The following KCNIP4 variants were observed in gnomAD, a reference collection of about 807,000 sequenced individuals.
KCNIP4 encodes the protein Kv channel-interacting protein 4.
Under a neutral mutation model 34.0 loss-of-function variants are expected in KCNIP4, and 12 were observed. The observed-to-expected ratio is 0.35, with a 90% CI of 0.23 to 0.57. The LOEUF (loss-of-function observed/expected upper bound fraction) is 0.57, where lower values mean the gene tolerates loss of function less well. Ranked by LOEUF, KCNIP4 falls within the 20% of genes least tolerant of loss-of-function variation. KCNIP4 has a pLI of 0.83. For missense variants in KCNIP4, 238 were observed against 311.7 expected (o/e 0.76, Z 1.78); for synonymous variants, 124 against 102.2 (o/e 1.21, Z -1.29).
intron 1 of KCNIP4, among the ~76,000 whole-genome samples, chr4:21,327,750 T>G (rs985694812): frequency 2.6e-4 from 39 of 151,918 alleles, no homozygotes; most frequent in African/African-American, 9.2e-4. Flanking sequence ...CTTTCTGATG[T>G]TTTTGTCCTA....
chr4:21,559,188 C>G (rs1163397832), intron 1 of KCNIP4, among the ~76,000 whole-genome samples: 2 of 152,048 alleles, frequency 1.3e-5, no homozygotes, highest in Non-Finnish European at 2.9e-5. Context: ...GGCCCTAGAC[C>G]AGTAAGTACC....
At chr4:21,817,396 T>C (rs576535988) in intron 1 of KCNIP4, among the ~76,000 whole-genome samples, 1 of 152,158 alleles carries the variant, frequency 6.6e-6, no homozygotes, top group East Asian at 1.9e-4. Context: ...TACAAATTGA[T>C]TGTAAAACAT....
At chr4:21,496,365 T>C (rs1298795892) in intron 1 of KCNIP4, among the ~76,000 whole-genome samples, 1 of 152,170 alleles carries the variant, frequency 6.6e-6, no homozygotes, top group Non-Finnish European at 1.5e-5. Flanking sequence ...TTGCAGGATC[T>C]AGTGGGACAG....
chr4:21,200,586 G>T (rs898367972), intron 1 of KCNIP4, among the ~76,000 whole-genome samples: 2 of 151,574 alleles, frequency 1.3e-5, no homozygotes, highest in South Asian at 4.2e-4. Flanking sequence ...CTAAACTATG[G>T]GTATGAAAAG....
At chr4:21,795,570 G>T (rs999399282) in intron 1 of KCNIP4, among the ~76,000 whole-genome samples, 4 of 152,102 alleles carry the variant, frequency 2.6e-5, no homozygotes, top group African/African-American at 9.7e-5. Flanking sequence ...AATTCTAGAT[G>T]AACTTGAAAT....
intron 1 of KCNIP4, among the ~76,000 whole-genome samples, chr4:21,178,128 T>C (rs915837019): frequency 5.9e-5 from 9 of 152,258 alleles, no homozygotes; most frequent in South Asian, 2.1e-4. Flanking sequence ...ATTTCTATCT[T>C]CATTACAACA....
intron 1 of KCNIP4, among the ~76,000 whole-genome samples, chr4:21,765,505 A>C (rs1267910081): frequency 6.6e-6 from 1 of 151,876 alleles, no homozygotes; most frequent in East Asian, 1.9e-4. Flanking sequence ...TCAATTTCTG[A>C]GTTAGGGGCT....
At chr4:20,974,151 A>G (rs1299096305) in intron 1 of KCNIP4, among the ~76,000 whole-genome samples, 1 of 152,170 alleles carries the variant, frequency 6.6e-6, no homozygotes, top group Non-Finnish European at 1.5e-5. Context: ...GCAAGAACAC[A>G]AGGTATCTGT....
chr4:20,886,596 A>G (rs1363469678), intron 1 of KCNIP4, among the ~76,000 whole-genome samples: 2 of 152,206 alleles, frequency 1.3e-5, no homozygotes, highest in Non-Finnish European at 2.9e-5. Context: ...GCAAGTTGTT[A>G]GAGTTCTAGC....
chr4:20,798,958 G>C (rs962681652), intron 3 of KCNIP4, among the ~76,000 whole-genome samples: 5 of 152,170 alleles, frequency 3.3e-5, no homozygotes, highest in Admixed American at 3.3e-4. Context: ...CCTATTGCCT[G>C]TACTGCTACT....
At chr4:21,843,030 A>G (rs1306694405) in intron 1 of KCNIP4, among the ~76,000 whole-genome samples, 1 of 152,106 alleles carries the variant, frequency 6.6e-6, no homozygotes, top group African/African-American at 2.4e-5. Context: ...TATTATCAGA[A>G]AATAAATGTT....
At chr4:21,040,308 C>G (rs1022210588) in intron 1 of KCNIP4, among the ~76,000 whole-genome samples, 1 of 152,128 alleles carries the variant, frequency 6.6e-6, no homozygotes, top group African/African-American at 2.4e-5. Flanking sequence ...GACTTTCTCT[C>G]TTTGATACAT....
At chr4:21,864,644 T>C (rs978151865) in intron 1 of KCNIP4, among the ~76,000 whole-genome samples, 2 of 152,178 alleles carry the variant, frequency 1.3e-5, no homozygotes, top group African/African-American at 4.8e-5. Flanking sequence ...ATAAGAAATA[T>C]TTCCTTCCCT....
intron 3 of KCNIP4, among the ~76,000 whole-genome samples, chr4:20,807,043 C>T (rs1715189231): frequency 6.6e-6 from 1 of 152,086 alleles, no homozygotes; most frequent in Admixed American, 6.5e-5. Flanking sequence ...GGAATAAACT[C>T]ACATCATTGT....
chr4:20,961,538 T>A (rs189060498), intron 1 of KCNIP4, among the ~76,000 whole-genome samples: 127 of 152,058 alleles, frequency 8.4e-4, no homozygotes, highest in African/African-American at 3.0e-3. Flanking sequence ...CACAGAGTTT[T>A]AAAAAAAACA....
intron 1 of KCNIP4, among the ~76,000 whole-genome samples, chr4:21,346,195 A>AT (rs1291445360): frequency 2.3e-3 from 1 of 444 alleles, no homozygotes; most frequent in African/African-American, 6.2e-3. Context: ...ATATATATAG[A>AT]ATTATATATA....
At chr4:20,965,588 TG>T (rs2149667679) in intron 1 of KCNIP4, among the ~76,000 whole-genome samples, 1 of 152,324 alleles carries the variant, frequency 6.6e-6, no homozygotes, top group South Asian at 2.1e-4. Context: ...CTGGTCTCTC[TG>T]GAGTGTGGAG....
chr4:21,288,240 C>T (rs1048586301), intron 1 of KCNIP4, among the ~76,000 whole-genome samples: 1 of 152,150 alleles, frequency 6.6e-6, no homozygotes, highest in African/African-American at 2.4e-5. Context: ...GCACAACTAT[C>T]CTTCCCCCAA....
rs115294289 is a variant in KCNIP4, at chr4:21,846,605, C to T, written c.61+101966G>A. 2.5e-3 allele frequency: 379 copies of T among 152,254 alleles called. 1 individual carries two copies. The highest frequency in any genetic ancestry group is 9.0e-3 in the African/African-American group (372 of 41,560). 9.4% of individuals were successfully genotyped at this position (152,254 alleles called of 1,614,324 possible). A position where few individuals can be genotyped will look rare whatever the true frequency, so the allele number is the denominator to read the frequency against. On this transcript the variant is annotated intron_variant, in intron 1 of 8. Transcript: ENST00000382152. ...ATAAGTGTTGGTTATTATTATGATGCACCAGCTACCTGCATTTGTATTTGA... is the reference window on the plus strand; with the variant it reads ...ATAAGTGTTGGTTATTATTATGATGTACCAGCTACCTGCATTTGTATTTGA...
Sources: allele counts gnomAD v4.1 joint callset (sites outside exome capture counted in the v4.1 genomes callset), GRCh38; gene constraint gnomAD v4.1.1; transcripts MANE v1.5; gene names NCBI Gene and HGNC (gene_info 2026-07-23, HGNC 2026-07-21).